The following CR1 variants were observed in gnomAD, a reference collection of about 807,000 sequenced individuals.
The protein encoded by CR1 is complement receptor type 1.
CR1 carries 116 observed loss-of-function variants against 187.3 expected under a neutral mutation model. The observed-to-expected ratio is 0.62, with a 90% CI of 0.53 to 0.72. The LOEUF is 0.72. Among genes scored for constraint, CR1 ranks in the 30% least tolerant of loss-of-function variants. CR1 has a pLI of 0.00. For missense variants in CR1, 1,731 were observed against 2,110.7 expected (o/e 0.82, Z 3.52); for synonymous variants, 576 against 747.1 (o/e 0.77, Z 3.73).
rs1662943658 is a variant in CR1 at position 207,640,274 on chromosome 1, A to G, written c.*865A>G. On this transcript the variant is annotated 3_prime_UTR_variant, in exon 47 of 47. Transcript: ENST00000367049. ...GTTGGGATTACCAGTAGATGGGACT[A>G]CAGGCACCTGCCAACACGCCCGGCT... The G allele has an allele frequency of 6.6e-6, 1 of 152,158 alleles. No homozygotes were observed. Among genetic ancestry groups the G allele is most frequent in the Non-Finnish European group, 1.5e-5 (1 of 68,062 alleles). 9.4% of individuals were successfully genotyped at this position (152,158 alleles called of 1,614,324 possible).
chr1:207,564,974 A>G (rs1660448369), intron 23 of CR1, among the ~76,000 whole-genome samples: 1 of 150,312 alleles, frequency 6.7e-6, no homozygotes. Flanking sequence ...AAAATGTAAA[A>G]ATCAGCATTT....
At chr1:207,617,608 TATATAGAGAGAGAGAGAG>T (rs1478129416) in intron 41 of CR1, among the ~76,000 whole-genome samples, 103 of 12,206 alleles carry the variant, frequency 8.4e-3, no homozygotes, top group Admixed American at 0.028. Context: ...TATATATATA[TATATAGAGAGAGAGAGAG>T]AGAGAGAGAG....
chr1:207,511,740 C>T (rs1452368610), intron 4 of CR1, 86 bp downstream of exon 4: 2 of 1,286,592 alleles, frequency 1.6e-6, no homozygotes, highest in East Asian at 2.4e-5. Flanking sequence ...TGAATTCCTT[C>T]TGTGCAATCT....
chr1:207,587,194 A>G (rs1661135718), intron 33 of CR1, among the ~76,000 whole-genome samples, 192 bp from the exon 34 acceptor site: 2 of 152,112 alleles, frequency 1.3e-5, no homozygotes, highest in African/African-American at 4.8e-5. Context: ...TCCAAATAGT[A>G]AAAAAAATCC....
In CR1 at chr1:207,578,192, G is replaced by C; in HGVS notation, c.4925G>C (p.Ser1642Thr). 2 of 1,611,886 alleles carry C rather than the reference G, an allele frequency of 1.2e-6. No homozygotes were observed. The highest frequency in any genetic ancestry group is 8.5e-7 in the Non-Finnish European group (1 of 1,179,722). ...ALNKWEPELP[S>T]CSRVCQPPPE... Reference sequence around the variant, plus strand: ...AACAAATGGGAGCCAGAGTTACCAAGCTGCTCCAGGGGTGAGTCTGACTGA... The same window carrying C: ...AACAAATGGGAGCCAGAGTTACCAACCTGCTCCAGGGGTGAGTCTGACTGA... Residue 1642 changes from serine to threonine, a missense_variant, in exon 29 of 47, where the codon AGC (serine) becomes ACC (threonine). By Grantham distance (58) the Ser-to-Thr change is moderately conservative. Transcript: ENST00000367049.
chr1:207,599,281 G>A (rs113733826), intron 35 of CR1, among the ~76,000 whole-genome samples: 5 of 152,130 alleles, frequency 3.3e-5, no homozygotes, highest in African/African-American at 1.2e-4. Context: ...ATGGTTTGGG[G>A]AAATGCAAAT....
At chr1:207,580,053 C>T (rs1373182611) in intron 29 of CR1, among the ~76,000 whole-genome samples, 187 bp from the exon 30 acceptor site, 7 of 152,200 alleles carry the variant, frequency 4.6e-5, no homozygotes, top group Admixed American at 6.5e-5. Context: ...ATACTGATAA[C>T]TTCACATTGG....
intron 28 of CR1, among the ~76,000 whole-genome samples, chr1:207,575,992 A>C (rs540221492): frequency 1.3e-5 from 2 of 152,280 alleles, no homozygotes; most frequent in South Asian, 4.2e-4. Flanking sequence ...AAGTCAACAA[A>C]TACAAAGTCA....
chr1:207,593,945 A>G (rs990027602), intron 35 of CR1, among the ~76,000 whole-genome samples: 2 of 152,254 alleles, frequency 1.3e-5, no homozygotes, highest in Non-Finnish European at 2.9e-5. Context: ...CTAAAAAGTC[A>G]GGAAACAACA....
chr1:207,504,023 C>A (rs1558211994), intron 1 of CR1, among the ~76,000 whole-genome samples: 1 of 152,196 alleles, frequency 6.6e-6, no homozygotes. Flanking sequence ...GTTTTGCTGT[C>A]ACACTTCAAA....
intron 35 of CR1, among the ~76,000 whole-genome samples, chr1:207,602,604 A>T (rs1475084242): frequency 6.6e-6 from 1 of 152,140 alleles, no homozygotes; most frequent in Non-Finnish European, 1.5e-5. Context: ...TCAAAGGAAA[A>T]GAACACTCGG....
At chr1:207,630,998 T>C (rs1662628743) in intron 46 of CR1, among the ~76,000 whole-genome samples, 1 of 152,190 alleles carries the variant, frequency 6.6e-6, no homozygotes, top group East Asian at 1.9e-4. Flanking sequence ...TAATGTCCTC[T>C]AGAGACTTTC....
chr1:207,623,403 A>G (rs1329924119), intron 45 of CR1, among the ~76,000 whole-genome samples: 2 of 152,084 alleles, frequency 1.3e-5, no homozygotes, highest in African/African-American at 4.8e-5. Context: ...GCAACATGGT[A>G]AAACCCTGTC....
chr1:207,627,325 T>A (rs2102410678), intron 45 of CR1, among the ~76,000 whole-genome samples: 1 of 152,328 alleles, frequency 6.6e-6, no homozygotes, highest in South Asian at 2.1e-4. Flanking sequence ...TCGGGGATTT[T>A]TGTCCTATCT....
intron 39 of CR1, 147 bp from the exon 40 acceptor site, chr1:207,614,257 C>T: frequency 4.9e-6 from 3 of 609,782 alleles, no homozygotes; most frequent in East Asian, 7.4e-5. Flanking sequence ...CCCTAATGAA[C>T]TAAGACTTTT....
chr1:207,635,343 T>C (rs1225280120), intron 46 of CR1, among the ~76,000 whole-genome samples: 5 of 152,070 alleles, frequency 3.3e-5, no homozygotes, highest in South Asian at 2.1e-4. Context: ...AGGATAATAG[T>C]GGAGAGAAGT....
chr1:207,616,529 T>C, intron 40 of CR1, 46 bp from the exon 41 acceptor site: 2 of 1,591,346 alleles, frequency 1.3e-6, no homozygotes, highest in Non-Finnish European at 1.7e-6. Flanking sequence ...TTCAGTCATC[T>C]TAAGTGAAAT....
At chr1:207,613,985 C>G (rs1473502465) in intron 39 of CR1, among the ~76,000 whole-genome samples, 1 of 152,152 alleles carries the variant, frequency 6.6e-6, no homozygotes, top group African/African-American at 2.4e-5. Flanking sequence ...AAATCGAGAG[C>G]TGTTCTGCCT....
chr1:207,604,072 T>C (rs1661681316), intron 35 of CR1, among the ~76,000 whole-genome samples: 1 of 152,230 alleles, frequency 6.6e-6, no homozygotes, highest in Non-Finnish European at 1.5e-5. Context: ...ATATTACTGC[T>C]AGGTTTTGTC....
Sources: gnomAD v4.1 joint callset for allele counts (sites outside exome capture counted in the v4.1 genomes callset) on GRCh38, gnomAD v4.1.1 for gene constraint, MANE v1.5 for transcripts, NCBI Gene and HGNC (gene_info 2026-07-23, HGNC 2026-07-21) for gene names.